MAP3K20: variants seen among roughly 807,000 people sequenced by gnomAD.
The protein encoded by MAP3K20 is HCCS-4.
MAP3K20 carries 40 observed loss-of-function variants against 85.7 expected under a neutral mutation model. The observed-to-expected ratio is 0.47, with a 90% CI of 0.36 to 0.61. The LOEUF is 0.61. Ranked by LOEUF, MAP3K20 falls within the 20% of genes least tolerant of loss-of-function variation. The pLI is 0.00. For missense variants in MAP3K20, 817 were observed against 961.7 expected, an observed-to-expected ratio of 0.85 and a Z score of 1.99; for synonymous variants, 325 against 327.7, an observed-to-expected ratio of 0.99 and a Z score of 0.09.
At chr2:173,103,393 C>T (rs1031655196) in intron 2 of MAP3K20, among the ~76,000 whole-genome samples, 1 of 152,100 alleles carries the variant, frequency 6.6e-6, no homozygotes, top group Non-Finnish European at 1.5e-5. Flanking sequence ...CAAGTGTTGA[C>T]CAGACCAAGA....
intron 14 of MAP3K20, among the ~76,000 whole-genome samples, chr2:173,233,844 G>A (rs542243803): frequency 5.3e-5 from 8 of 152,140 alleles, no homozygotes; most frequent in Non-Finnish European, 1.0e-4. Flanking sequence ...CACCCTTTGC[G>A]TAACAGTAAC....
intron 16 of MAP3K20, among the ~76,000 whole-genome samples, chr2:173,249,797 G>GA (rs1249769906): frequency 6.6e-6 from 1 of 152,010 alleles, no homozygotes; most frequent in Non-Finnish European, 1.5e-5. Flanking sequence ...CAGTTAAGGG[G>GA]AAAAAAGCCC....
intron 2 of MAP3K20, among the ~76,000 whole-genome samples, chr2:173,121,262 A>G (rs1164978339): frequency 6.6e-6 from 1 of 152,202 alleles, no homozygotes; most frequent in African/African-American, 2.4e-5. Flanking sequence ...CCATTGCTTC[A>G]TTCCCTTGCT....
intron 2 of MAP3K20, among the ~76,000 whole-genome samples, chr2:173,102,818 T>C (rs1687672187): frequency 6.6e-6 from 1 of 152,164 alleles, no homozygotes; most frequent in Non-Finnish European, 1.5e-5. Context: ...ACATAGAATC[T>C]ACCTTAAGAA....
intron 11 of MAP3K20, among the ~76,000 whole-genome samples, chr2:173,220,674 G>A (rs1353554705): frequency 7.2e-5 from 11 of 152,160 alleles, no homozygotes; most frequent in Admixed American, 7.2e-4. Flanking sequence ...GAACTGTATA[G>A]ACTGCTGAAC....
chr2:173,085,835 G>T (rs1443281787), intron 1 of MAP3K20, among the ~76,000 whole-genome samples: 1 of 103,352 alleles, frequency 9.7e-6, no homozygotes, highest in East Asian at 3.3e-4. Flanking sequence ...TTGCTCTGTT[G>T]TCCAGGCTGG....
At chr2:173,161,504 A>G (rs1241358087) in intron 2 of MAP3K20, among the ~76,000 whole-genome samples, 1 of 152,208 alleles carries the variant, frequency 6.6e-6, no homozygotes, top group Non-Finnish European at 1.5e-5. Flanking sequence ...CATTATCATC[A>G]AATACTGTTC....
chr2:173,221,711 C>CG (rs1201996522), intron 11 of MAP3K20: 3 of 1,307,100 alleles, frequency 2.3e-6, no homozygotes, highest in South Asian at 2.7e-5. Context: ...TACAGAAAAA[C>CG]GGGGGGAGAA....
intron 10 of MAP3K20, among the ~76,000 whole-genome samples, chr2:173,216,348 CTTAGAGTTCAT>C (rs1181400384): frequency 6.6e-6 from 1 of 152,046 alleles, no homozygotes; most frequent in African/African-American, 2.4e-5. Context: ...TAAAAGGAAC[CTTAGAGTTCAT>C]CTGGCCCAGG....
At chr2:173,234,368 G>A (rs1398426669) in intron 14 of MAP3K20, among the ~76,000 whole-genome samples, 1 of 152,196 alleles carries the variant, frequency 6.6e-6, no homozygotes. Context: ...TTCAGTGAAT[G>A]TCTACTAATT....
intron 1 of MAP3K20, among the ~76,000 whole-genome samples, chr2:173,084,424 C>CA (rs60463346): frequency 0.69 from 94,194 of 136,418 alleles, 31,566 homozygotes; most frequent in Middle Eastern, 0.77. Context: ...CCAAAAAGTG[C>CA]AAAAAAAAAA....
intron 16 of MAP3K20, among the ~76,000 whole-genome samples, chr2:173,249,796 G>A (rs1685002374): frequency 6.6e-6 from 1 of 151,994 alleles, no homozygotes; most frequent in Admixed American, 6.5e-5. Flanking sequence ...ACAGTTAAGG[G>A]GAAAAAAGCC....
chr2:173,112,143 A>G (rs779292868), intron 2 of MAP3K20, among the ~76,000 whole-genome samples: 28 of 152,010 alleles, frequency 1.8e-4, no homozygotes, highest in Non-Finnish European at 2.6e-4. Context: ...TTCGTTAGGT[A>G]TATTCCTAAG....
At chr2:173,192,388 A>T (rs1275841854) in intron 7 of MAP3K20, among the ~76,000 whole-genome samples, 1 of 152,210 alleles carries the variant, frequency 6.6e-6, no homozygotes, top group Non-Finnish European at 1.5e-5. Context: ...TACCAAATTA[A>T]TAAAGATTAA....
At chr2:173,192,249 C>A (rs939274165) in intron 7 of MAP3K20, among the ~76,000 whole-genome samples, 2 of 152,162 alleles carry the variant, frequency 1.3e-5, no homozygotes, top group Non-Finnish European at 2.9e-5. Context: ...AGAGGAGATT[C>A]ACGTTGTCAG....
chr2:173,089,009 G>A (rs1687218551), intron 1 of MAP3K20, among the ~76,000 whole-genome samples: 1 of 152,170 alleles, frequency 6.6e-6, no homozygotes. Flanking sequence ...TTGACTTCAT[G>A]TGAGAAATCA....
In MAP3K20 at chr2:173,209,846, C is replaced by T; in HGVS notation, c.851+11C>T. ...CAAGGCGGAGTGGAGGTGGGTAGCCCCGACAGCAGGCCACAGCGTCTGGCT... is the reference window on the plus strand; with the variant it reads ...CAAGGCGGAGTGGAGGTGGGTAGCCTCGACAGCAGGCCACAGCGTCTGGCT... On this transcript the variant is annotated intron_variant, in intron 10 of 19. Transcript: ENST00000375213. The T allele has an allele frequency of 6.2e-7, 1 of 1,610,396 alleles. No homozygotes were observed. Among genetic ancestry groups the T allele is most frequent in the Non-Finnish European group, 8.5e-7 (1 of 1,176,734 alleles).
At chr2:173,141,841 GAC>G (rs1196266235) in intron 2 of MAP3K20, among the ~76,000 whole-genome samples, 4 of 152,058 alleles carry the variant, frequency 2.6e-5, no homozygotes, top group African/African-American at 9.7e-5. Flanking sequence ...AGAAAAAAAA[GAC>G]ACATTACATA....
intron 2 of MAP3K20, among the ~76,000 whole-genome samples, chr2:173,128,478 G>A (rs71417423): frequency 0.27 from 41,163 of 151,708 alleles, 6,931 homozygotes; most frequent in Non-Finnish European, 0.37. Flanking sequence ...GACTACAGGC[G>A]CGCACCACCA....
Sources: allele counts gnomAD v4.1 joint callset (sites outside exome capture counted in the v4.1 genomes callset), GRCh38; gene constraint gnomAD v4.1.1; transcripts MANE v1.5; gene names NCBI Gene and HGNC (gene_info 2026-07-23, HGNC 2026-07-21).